The following COL5A2 variants were observed in gnomAD, a reference collection of about 807,000 sequenced individuals.
COL5A2 encodes the protein collagen type V alpha 2 chain.
A neutral mutation model predicts 208.2 loss-of-function variants in COL5A2; 23 were observed. That is an observed-to-expected ratio of 0.11 (90% CI 0.08 to 0.16). The LOEUF (loss-of-function observed/expected upper bound fraction) is 0.16. COL5A2 is among the 10% of genes least tolerant of loss of function. The pLI, the probability that COL5A2 is intolerant of heterozygous loss-of-function variation, is 1.00. For missense variants in COL5A2, 1,590 were observed against 1,956.4 expected, an observed-to-expected ratio of 0.81 and a Z score of 3.53; for synonymous variants, 625 against 628.5, an observed-to-expected ratio of 0.99 and a Z score of 0.08.
chr2:189,389,349 A>C, the COL5A2 span, among the ~76,000 whole-genome samples: 7 of 152,202 alleles, frequency 4.6e-5, no homozygotes, highest in Non-Finnish European at 1.0e-4. Flanking sequence ...AAGTTACATT[A>C]CTGGGAAGCA....
At chr2:189,069,523 C>T (rs1686224877) in intron 18 of COL5A2, among the ~76,000 whole-genome samples, 1 of 152,100 alleles carries the variant, frequency 6.6e-6, no homozygotes, top group Non-Finnish European at 1.5e-5. Context: ...GAGGTTGTTT[C>T]TGTTCAATGT....
At chr2:189,398,536 G>A in the COL5A2 span, among the ~76,000 whole-genome samples, 1 of 151,956 alleles carries the variant, frequency 6.6e-6, no homozygotes, top group African/African-American at 2.4e-5. Flanking sequence ...CACCTATAAT[G>A]CTTTTTTGTC....
At chr2:189,255,992 C>T in the COL5A2 span, among the ~76,000 whole-genome samples, 2 of 152,030 alleles carry the variant, frequency 1.3e-5, no homozygotes, top group East Asian at 3.9e-4. Context: ...CATGGAACGG[C>T]CAGAGGACGT....
chr2:189,271,780 C>A, the COL5A2 span, among the ~76,000 whole-genome samples: 1 of 152,032 alleles, frequency 6.6e-6, no homozygotes, highest in East Asian at 1.9e-4. Flanking sequence ...GGTTAATATC[C>A]AGAATCTACA....
At chr2:189,061,483 C>G in intron 30 of COL5A2, 79 bp downstream of exon 30, 1 of 1,060,852 alleles carries the variant, frequency 9.4e-7, no homozygotes, top group Non-Finnish European at 1.5e-6. Flanking sequence ...TTCAAATCTT[C>G]TGACCATATC....
the COL5A2 span, among the ~76,000 whole-genome samples, chr2:189,265,635 T>A: frequency 1.3e-5 from 2 of 152,306 alleles, no homozygotes; most frequent in South Asian, 4.1e-4. Context: ...AAATCTTTTA[T>A]GGGACATAAT....
the COL5A2 span, among the ~76,000 whole-genome samples, chr2:189,351,390 G>A: frequency 6.6e-6 from 1 of 152,118 alleles, no homozygotes; most frequent in Non-Finnish European, 1.5e-5. Flanking sequence ...TTTATTAGTA[G>A]GAAACCAGTA....
chr2:189,116,294 G>T (rs144648904), intron 1 of COL5A2, among the ~76,000 whole-genome samples: 1 of 152,300 alleles, frequency 6.6e-6, no homozygotes, highest in East Asian at 1.9e-4. Flanking sequence ...ACAGCAGAGC[G>T]TGGGCTCCTG....
At chr2:189,295,073 T>A in the COL5A2 span, among the ~76,000 whole-genome samples, 1 of 152,150 alleles carries the variant, frequency 6.6e-6, no homozygotes, top group Non-Finnish European at 1.5e-5. Context: ...CCTCCCAAAG[T>A]CATGGAATTA....
chr2:189,199,712 C>G (rs936769619), intron 1 of COL5A2, among the ~76,000 whole-genome samples: 1 of 152,272 alleles, frequency 6.6e-6, no homozygotes, highest in African/African-American at 2.4e-5. Context: ...ATTATAAAAG[C>G]CTGTACAATT....
At position 189,033,908 on chromosome 2, in the gene COL5A2, T is replaced by C. The variant is rs763069928; in HGVS notation, c.*162A>G. 23 of 818,660 alleles carry C rather than the reference T, an allele frequency of 2.8e-5. No individual in the cohort carries two copies. Among genetic ancestry groups the C allele is most frequent in the Admixed American group, 4.3e-5 (2 of 46,642 alleles). The allele number at this position is 818,660 out of a possible 1,614,324, so 50.7% of individuals were successfully genotyped here. ...AGGATTGTAAGTAAAATAAATATTC[T>C]GAAGGATAAGGAGGCCAGGCACTTA... On this transcript the variant is annotated 3_prime_UTR_variant, in exon 54 of 54. Coordinates refer to ENST00000374866, the MANE Select transcript of COL5A2 (RefSeq NM_000393.5).
At chr2:189,400,943 T>G in the COL5A2 span, among the ~76,000 whole-genome samples, 2 of 152,230 alleles carry the variant, frequency 1.3e-5, no homozygotes, top group South Asian at 2.1e-4. Flanking sequence ...CTAGGAAAAC[T>G]AAAATGATTG....
At chr2:189,043,321 C>T in intron 47 of COL5A2, 63 bp from the exon 48 acceptor site, 2 of 1,179,180 alleles carry the variant, frequency 1.7e-6, no homozygotes, top group Non-Finnish European at 2.5e-6. Flanking sequence ...CTAAAATTTA[C>T]TAAAATTTTA....
At chr2:189,382,442 T>C in the COL5A2 span, among the ~76,000 whole-genome samples, 1 of 152,190 alleles carries the variant, frequency 6.6e-6, no homozygotes, top group Non-Finnish European at 1.5e-5. Flanking sequence ...AAGTGTTTAT[T>C]CAAGTAGTTA....
the COL5A2 span, among the ~76,000 whole-genome samples, chr2:189,372,618 T>C: frequency 3.3e-5 from 5 of 152,164 alleles, no homozygotes; most frequent in African/African-American, 4.8e-5. Context: ...CTATAAATGG[T>C]AACATTTCTG....
chr2:189,267,656 G>C, the COL5A2 span, among the ~76,000 whole-genome samples: 1 of 152,080 alleles, frequency 6.6e-6, no homozygotes, highest in South Asian at 2.1e-4. Context: ...GCCTGAGACT[G>C]GACTTTTACA....
the COL5A2 span, among the ~76,000 whole-genome samples, chr2:189,408,625 A>G: frequency 6.6e-6 from 1 of 152,180 alleles, no homozygotes; most frequent in African/African-American, 2.4e-5. Flanking sequence ...ATATGTACTA[A>G]TTTATCTTTT....
the COL5A2 span, among the ~76,000 whole-genome samples, chr2:189,419,332 A>G: frequency 6.6e-6 from 1 of 152,164 alleles, no homozygotes; most frequent in Admixed American, 6.5e-5. Context: ...ACACGTACAC[A>G]AAAGTCACTA....
chr2:189,329,910 T>G, the COL5A2 span, among the ~76,000 whole-genome samples: 1 of 136,464 alleles, frequency 7.3e-6, no homozygotes, highest in South Asian at 2.2e-4. Flanking sequence ...ATAATGGTTG[T>G]TTTTTTTTTA....
Sources: allele counts gnomAD v4.1 joint callset (sites outside exome capture counted in the v4.1 genomes callset), GRCh38; gene constraint gnomAD v4.1.1; transcripts MANE v1.5; gene names NCBI Gene and HGNC (gene_info 2026-07-23, HGNC 2026-07-21).